Variants in GLDC observed in about 807,000 individuals in gnomAD.
GLDC encodes the protein glycine decarboxylase.
Under a neutral mutation model 121.3 loss-of-function variants are expected in GLDC, and 104 were observed. The ratio of observed to expected loss-of-function variants is 0.86; its 90% confidence interval spans 0.73 to 1.01. The LOEUF (loss-of-function observed/expected upper bound fraction) is 1.01, where lower values mean the gene tolerates loss of function less well. Ranked by LOEUF, GLDC falls within the 50% of genes least tolerant of loss-of-function variation. The pLI, the probability that GLDC is intolerant of heterozygous loss-of-function variation, is 0.00. For missense variants in GLDC, 1,429 were observed against 1,306.6 expected (o/e 1.09, Z -1.44); for synonymous variants, 546 against 480.6 (o/e 1.14, Z -1.78).
intron 2 of GLDC, among the ~76,000 whole-genome samples, chr9:6,636,886 C>G (rs1819514244): frequency 6.6e-6 from 1 of 151,740 alleles, no homozygotes; most frequent in African/African-American, 2.4e-5. Context: ...GAGTTCAAGA[C>G]CAGCCTGACC....
chr9:6,631,060 AC>A (rs1162671080), intron 2 of GLDC, among the ~76,000 whole-genome samples: 1 of 152,058 alleles, frequency 6.6e-6, no homozygotes, highest in Non-Finnish European at 1.5e-5. Context: ...TGAACCTAAA[AC>A]CCTTGCAGAC....
chr9:6,614,423 A>G (rs1243242249), intron 3 of GLDC, among the ~76,000 whole-genome samples: 3 of 151,384 alleles, frequency 2.0e-5, no homozygotes, highest in Non-Finnish European at 4.4e-5. Flanking sequence ...TTTTGTAGGG[A>G]TGGAGTTTCA....
chr9:6,640,012 A>G (rs1410066804), intron 2 of GLDC, among the ~76,000 whole-genome samples: 1 of 152,196 alleles, frequency 6.6e-6, no homozygotes, highest in Non-Finnish European at 1.5e-5. Context: ...ACATGTACCC[A>G]TAACCAATCA....
intron 15 of GLDC, among the ~76,000 whole-genome samples, chr9:6,576,345 G>C (rs1818064193): frequency 1.3e-5 from 2 of 152,192 alleles, no homozygotes; most frequent in Admixed American, 6.5e-5. Flanking sequence ...GAGCTCTCTG[G>C]GGTCTTTCTT....
At chr9:6,618,764 A>T (rs118085379) in intron 3 of GLDC, among the ~76,000 whole-genome samples, 1,613 of 152,258 alleles carry the variant, frequency 0.011, 14 homozygotes, top group Non-Finnish European at 0.016. Flanking sequence ...ATGGATGGAC[A>T]GACACACACA....
chr9:6,602,547 T>G (rs963788084), intron 7 of GLDC, among the ~76,000 whole-genome samples: 1 of 152,102 alleles, frequency 6.6e-6, no homozygotes, highest in Non-Finnish European at 1.5e-5. Context: ...GAGATGGGGT[T>G]TCACCATGTT....
At chr9:6,604,435 C>G (rs187218798) in intron 7 of GLDC, among the ~76,000 whole-genome samples, 153 bp downstream of exon 7, 21 of 152,252 alleles carry the variant, frequency 1.4e-4, no homozygotes, top group Admixed American at 1.2e-3. Context: ...GCTCATATCC[C>G]AAACAGAATT....
At chr9:6,541,692 G>C (rs1474202251) in intron 21 of GLDC, 1 of 151,850 alleles carries the variant, frequency 6.6e-6, no homozygotes, top group Non-Finnish European at 1.5e-5. Flanking sequence ...GCCAGGTGTA[G>C]GGGCGGGTGC....
chr9:6,612,253 T>TCACACACACA (rs111819532), intron 3 of GLDC, among the ~76,000 whole-genome samples: 3,775 of 150,068 alleles, frequency 0.025, 143 homozygotes, highest in African/African-American at 0.077. Context: ...TCTCTCTCTC[T>TCACACACACA]CACACACACT....
intron 2 of GLDC, among the ~76,000 whole-genome samples, chr9:6,632,437 G>A (rs907067586): frequency 2.6e-5 from 4 of 152,170 alleles, no homozygotes; most frequent in African/African-American, 9.6e-5. Context: ...TGATGATACA[G>A]GCATTGAGAA....
chr9:6,604,173 G>A (rs914695439), intron 7 of GLDC, among the ~76,000 whole-genome samples: 2 of 152,064 alleles, frequency 1.3e-5, no homozygotes, highest in Non-Finnish European at 2.9e-5. Context: ...GCCACGTGGC[G>A]GAAGCCTCTA....
chr9:6,629,363 T>G (rs1819313867), intron 2 of GLDC, among the ~76,000 whole-genome samples: 1 of 151,874 alleles, frequency 6.6e-6, no homozygotes, highest in Non-Finnish European at 1.5e-5. Flanking sequence ...TAGAGGCACC[T>G]GCCACCATGC....
intron 21 of GLDC, among the ~76,000 whole-genome samples, chr9:6,546,400 A>G (rs1817390209): frequency 6.8e-6 from 1 of 146,048 alleles, no homozygotes; most frequent in African/African-American, 2.5e-5. Flanking sequence ...AGGTCTCATG[A>G]TATTTCCCAG....
Position 6,558,601 on chromosome 9 carries a change from C to G in GLDC, c.2010G>C (p.Val670=), listed in dbSNP as rs368248411. The G allele has an allele frequency of 4.3e-6, 7 of 1,614,156 alleles. No individual in the cohort carries two copies. Among genetic ancestry groups the G allele is most frequent in the African/African-American group, 4.0e-5 (3 of 75,046 alleles). Residue 670 remains valine (V), a synonymous_variant, in exon 17 of 25, where the codon GTG becomes GTC. Transcript: ENST00000321612. ...CTGCATCGATATTCCCATATTTATC[C>G]ACCTCCACAGGCTGAATCTTCATGC... is the stretch of plus-strand genomic sequence containing the variant. ...MAGMKIQPVE[V]DKYGNIDAVH... is the part of the protein sequence containing the mutation.
chr9:6,597,111 G>A (rs988541333), intron 8 of GLDC, among the ~76,000 whole-genome samples: 2 of 152,156 alleles, frequency 1.3e-5, no homozygotes, highest in African/African-American at 4.8e-5. Flanking sequence ...AAAGAAGCCA[G>A]GTACAAAAGG....
intron 3 of GLDC, among the ~76,000 whole-genome samples, chr9:6,612,622 T>C (rs1818881911): frequency 6.6e-6 from 1 of 151,882 alleles, no homozygotes; most frequent in South Asian, 2.1e-4. Flanking sequence ...CCCAGCACGT[T>C]GGGAGGCTGA....
At chr9:6,604,383 T>C (rs1587959790) in intron 7 of GLDC, among the ~76,000 whole-genome samples, 1 of 152,196 alleles carries the variant, frequency 6.6e-6, no homozygotes, top group Non-Finnish European at 1.5e-5. Context: ...ATACACAAAA[T>C]TTTTCAAAAA....
At chr9:6,578,664 A>G (rs1173189660) in intron 15 of GLDC, among the ~76,000 whole-genome samples, 1 of 151,542 alleles carries the variant, frequency 6.6e-6, no homozygotes, top group Non-Finnish European at 1.5e-5. Flanking sequence ...CTCAGCCCCC[A>G]AAGTAGCTGG....
At chr9:6,596,045 C>G (rs1818488647) in intron 8 of GLDC, among the ~76,000 whole-genome samples, 1 of 152,184 alleles carries the variant, frequency 6.6e-6, no homozygotes, top group African/African-American at 2.4e-5. Flanking sequence ...AAAGTGTAAA[C>G]ACTCTTATGG....
Sources: gnomAD v4.1 joint callset for allele counts (sites outside exome capture counted in the v4.1 genomes callset) on GRCh38, gnomAD v4.1.1 for gene constraint, MANE v1.5 for transcripts, NCBI Gene and HGNC (gene_info 2026-07-23, HGNC 2026-07-21) for gene names.